FAM110B: variants seen among roughly 807,000 people sequenced by gnomAD.
FAM110B encodes the protein protein FAM110B.
In FAM110B, 6 loss-of-function variants were observed where a neutral mutation model predicts 20.4. That is an observed-to-expected ratio of 0.29 (90% CI 0.16 to 0.58). The LOEUF is 0.58. Among genes scored for constraint, FAM110B ranks in the 20% least tolerant of loss-of-function variants. FAM110B has a pLI of 0.90. For synonymous variants in FAM110B, 226 were observed against 214.1 expected, an observed-to-expected ratio of 1.06 and a Z score of -0.49; for missense variants, 434 against 498.2, an observed-to-expected ratio of 0.87 and a Z score of 1.23.
At chr8:58,099,471 T>G (rs1806722170) in intron 3 of FAM110B, among the ~76,000 whole-genome samples, 1 of 152,232 alleles carries the variant, frequency 6.6e-6, no homozygotes, top group South Asian at 2.1e-4. Flanking sequence ...AGTTTAAAAA[T>G]TAAACACGTT....
chr8:58,037,650 A>C (rs1805106648), intron 2 of FAM110B, among the ~76,000 whole-genome samples: 1 of 151,838 alleles, frequency 6.6e-6, no homozygotes, highest in Non-Finnish European at 1.5e-5. Context: ...AAAAAAAAAA[A>C]GTTTTCCGAT....
At position 58,080,985 on chromosome 8, in the gene FAM110B, C is replaced by A. The variant is rs139109929; in HGVS notation, c.-325+5362C>A. ...GACAGCTTTCACTCACCATGACAGT[C>A]AGTGGAGACCTTTCCTCTGGGAAGA... On this transcript the variant is annotated intron_variant, in intron 3 of 3. Coordinates refer to ENST00000519262, the MANE Select transcript of FAM110B (RefSeq NM_001377989.1). 2.2e-4 allele frequency among the ~76,000 whole-genome samples: 34 copies of A among 152,316 alleles called. No individual in the cohort carries two copies. In the East Asian group the frequency reaches 6.6e-3, roughly 29 times the overall value.
Position 58,094,986 on chromosome 8 carries a change from A to G in FAM110B, c.-325+19363A>G, listed in dbSNP as rs750490862. Among the ~76,000 whole-genome samples the G allele has an allele frequency of 1.2e-4, 18 of 152,114 alleles. 1 individual carries two copies. Among genetic ancestry groups the G allele is most frequent in the Non-Finnish European group, 2.2e-4 (15 of 68,036 alleles). The stretch of plus-strand genomic sequence containing the variant: ...TCATGGTATAGACTTGGGAGAGTGT[A>G]TGTGTCCAGAAATTTATCCATTTCT... On this transcript the variant is annotated intron_variant, in intron 3 of 3. Coordinates refer to ENST00000519262, the MANE Select transcript of FAM110B (RefSeq NM_001377989.1).
At chr8:58,045,975 A>G (rs1805312070) in intron 2 of FAM110B, among the ~76,000 whole-genome samples, 1 of 152,184 alleles carries the variant, frequency 6.6e-6, no homozygotes, top group Non-Finnish European at 1.5e-5. Flanking sequence ...CAGAAGGGAC[A>G]AGGCAGCTCT....
At chr8:58,017,994 G>C (rs1185462157) in intron 1 of FAM110B, among the ~76,000 whole-genome samples, 3 of 152,142 alleles carry the variant, frequency 2.0e-5, no homozygotes, top group African/African-American at 7.2e-5. Context: ...ACTGTTTTAA[G>C]CTCTTCACGT....
chr8:58,020,094 A>C (rs1039693483), intron 1 of FAM110B, among the ~76,000 whole-genome samples: 1 of 152,090 alleles, frequency 6.6e-6, no homozygotes, highest in Non-Finnish European at 1.5e-5. Context: ...CCATTCAATA[A>C]ATTTTTAATT....
chr8:58,006,821 C>T (rs1179217917), intron 1 of FAM110B, among the ~76,000 whole-genome samples: 1 of 150,252 alleles, frequency 6.7e-6, no homozygotes, highest in Non-Finnish European at 1.5e-5. Flanking sequence ...GTTTTGAACT[C>T]AGGTGATCCG....
chr8:58,050,377 G>T (rs1286473151), intron 2 of FAM110B, among the ~76,000 whole-genome samples: 1 of 152,118 alleles, frequency 6.6e-6, no homozygotes, highest in African/African-American at 2.4e-5. Context: ...CCATTTCTTA[G>T]CTCAGTGGTT....
rs750905148 is a variant in FAM110B, at chr8:58,146,210, G to T, written c.-21G>T. On this transcript the variant is annotated 5_prime_UTR_variant, in exon 4 of 4. Transcript: ENST00000519262. ...GCCCAGAAGAGCATCCAACACGGCT[G>T]CCGGGGAAAGACCGCCCACCATGCC... The T allele has an allele frequency of 6.4e-7, 1 of 1,572,476 alleles. No individual in the cohort carries two copies. The highest frequency in any genetic ancestry group is 8.6e-7 in the Non-Finnish European group (1 of 1,156,810).
rs565779668 is a variant in FAM110B at position 58,086,638 on chromosome 8, C to T, written c.-325+11015C>T. On this transcript the variant is annotated intron_variant, in intron 3 of 3. Transcript: ENST00000519262. ...ACCACTGTGCACTTCTTAGGACATTCCACAGAGAGTGCTACTTCTGTTGTA... is the reference window on the plus strand; with the variant it reads ...ACCACTGTGCACTTCTTAGGACATTTCACAGAGAGTGCTACTTCTGTTGTA... Among the ~76,000 whole-genome samples, 4 of 152,188 alleles carry T rather than the reference C, an allele frequency of 2.6e-5. No homozygotes were observed. In the South Asian group the frequency reaches 8.3e-4, roughly 31 times the overall value.
chr8:58,146,176 T>A lies in FAM110B; in HGVS notation c.-55T>A. On this transcript the variant is annotated 5_prime_UTR_variant, in exon 4 of 4. Coordinates refer to ENST00000519262, the MANE Select transcript of FAM110B (RefSeq NM_001377989.1). ...CATGTACATGTGTCTATTCAGGCCT[T>A]GCGGAGGCGCCCAGAAGAGCATCCA... 6.5e-7 allele frequency: 1 copy of A among 1,535,654 alleles called. No homozygotes were observed. Among genetic ancestry groups the A allele is most frequent in the Admixed American group, 2.0e-5 (1 of 50,260 alleles).
intron 3 of FAM110B, among the ~76,000 whole-genome samples, chr8:58,087,064 A>G (rs1013678015): frequency 6.6e-6 from 1 of 152,240 alleles, no homozygotes; most frequent in African/African-American, 2.4e-5. Flanking sequence ...CCAAGTGTCC[A>G]GTGTGCTTTA....
intron 3 of FAM110B, among the ~76,000 whole-genome samples, chr8:58,121,496 T>C (rs1434051184): frequency 2.2e-4 from 33 of 152,240 alleles, no homozygotes; most frequent in Admixed American, 2.2e-3. Flanking sequence ...TTTTTGTTTG[T>C]CTTTCCCCTT....
chr8:58,079,954 G>A (rs552969609), intron 3 of FAM110B, among the ~76,000 whole-genome samples: 99 of 152,318 alleles, frequency 6.5e-4, no homozygotes, highest in African/African-American at 2.3e-3. Context: ...ATGGGCTACA[G>A]TTATGACCAT....
At chr8:58,023,380 C>T (rs1804793563) in intron 1 of FAM110B, among the ~76,000 whole-genome samples, 1 of 152,094 alleles carries the variant, frequency 6.6e-6, no homozygotes, top group African/African-American at 2.4e-5. Context: ...TAAAACTGAG[C>T]AGCTACAAAA....
intron 2 of FAM110B, among the ~76,000 whole-genome samples, chr8:58,049,807 A>G (rs1013610181): frequency 5.9e-5 from 9 of 152,228 alleles, no homozygotes; most frequent in Non-Finnish European, 8.8e-5. Flanking sequence ...ACTCTTAAGT[A>G]AAGCAATGGG....
chr8:58,082,847 G>GTT (rs57216749), intron 3 of FAM110B, among the ~76,000 whole-genome samples: 7,149 of 135,498 alleles, frequency 0.053, 598 homozygotes, highest in African/African-American at 0.17. Flanking sequence ...GTTTTTTTTT[G>GTT]TTTTTTTTTT....
At chr8:58,052,099 A>G (rs887731406) in intron 2 of FAM110B, among the ~76,000 whole-genome samples, 1 of 152,218 alleles carries the variant, frequency 6.6e-6, no homozygotes, top group Non-Finnish European at 1.5e-5. Flanking sequence ...TTTTAAAATA[A>G]AAAATCAAAA....
At chr8:58,038,556 G>A (rs1342577934) in intron 2 of FAM110B, among the ~76,000 whole-genome samples, 3 of 152,050 alleles carry the variant, frequency 2.0e-5, no homozygotes, top group East Asian at 1.9e-4. Flanking sequence ...GTTTGAGACC[G>A]GCCTGGCCAA....
Sources: gnomAD v4.1 joint callset for allele counts (sites outside exome capture counted in the v4.1 genomes callset) on GRCh38, gnomAD v4.1.1 for gene constraint, MANE v1.5 for transcripts, NCBI Gene and HGNC (gene_info 2026-07-23, HGNC 2026-07-21) for gene names.